The following ADTRP variants were observed in gnomAD, a reference collection of about 807,000 sequenced individuals.
ADTRP encodes the protein androgen dependent TFPI regulating protein.
A neutral mutation model predicts 27.0 loss-of-function variants in ADTRP; 20 were observed. That is an observed-to-expected ratio of 0.74 (90% CI 0.52 to 1.08). The LOEUF (loss-of-function observed/expected upper bound fraction) is 1.08. Ranked by LOEUF, ADTRP falls within the 50% of genes least tolerant of loss-of-function variation. The probability of loss-of-function intolerance (pLI) is 0.00; values close to 1 mark genes in which losing one functional copy is unlikely to be tolerated. For missense variants in ADTRP, 251 were observed against 275.0 expected (o/e 0.91, Z 0.62); for synonymous variants, 101 against 105.2 (o/e 0.96, Z 0.25).
chr6:11,749,659 G>C (rs1581345557), intron 3 of ADTRP, among the ~76,000 whole-genome samples: 1 of 152,202 alleles, frequency 6.6e-6, no homozygotes, highest in Non-Finnish European at 1.5e-5. Flanking sequence ...GTTTCAAGGA[G>C]AGAGAGGTGC....
At chr6:11,774,639 G>A (rs925388320) in intron 1 of ADTRP, among the ~76,000 whole-genome samples, 3 of 152,008 alleles carry the variant, frequency 2.0e-5, no homozygotes, top group East Asian at 1.9e-4. Flanking sequence ...TGTCAGGGGC[G>A]TGGGGAGGGA....
At chr6:11,761,501 A>T (rs967022849) in intron 3 of ADTRP, among the ~76,000 whole-genome samples, 1 of 152,224 alleles carries the variant, frequency 6.6e-6, no homozygotes, top group Non-Finnish European at 1.5e-5. Flanking sequence ...GCTATATTGC[A>T]TATTAGATTA....
intron 5 of ADTRP, among the ~76,000 whole-genome samples, chr6:11,715,911 G>T (rs1008153776): frequency 1.4e-5 from 2 of 141,868 alleles, no homozygotes; most frequent in Admixed American, 1.5e-4. Flanking sequence ...CACCACAAGG[G>T]ATCCTCCCAT....
chr6:11,766,870 T>C (rs1432006403), intron 2 of ADTRP, among the ~76,000 whole-genome samples: 1 of 152,236 alleles, frequency 6.6e-6, no homozygotes, highest in African/African-American at 2.4e-5. Flanking sequence ...GACTGAGGGC[T>C]GGATCTCCCT....
intron 5 of ADTRP, among the ~76,000 whole-genome samples, chr6:11,721,912 TAACTC>T (rs145600914): frequency 0.069 from 10,529 of 152,184 alleles, 944 homozygotes; most frequent in East Asian, 0.5. Context: ...ATTTAAAAAT[TAACTC>T]AATACATTAT....
At chr6:11,722,610 C>T (rs1287497053) in intron 5 of ADTRP, among the ~76,000 whole-genome samples, 1 of 151,942 alleles carries the variant, frequency 6.6e-6, no homozygotes, top group Non-Finnish European at 1.5e-5. Context: ...CTGGTAGTTA[C>T]TTTTCCAACA....
At chr6:11,765,942 A>C (rs147194340) in intron 3 of ADTRP, among the ~76,000 whole-genome samples, 3 of 152,180 alleles carry the variant, frequency 2.0e-5, no homozygotes, top group African/African-American at 4.8e-5. Context: ...AGCTTACTTC[A>C]TTCCATCCAC....
intron 4 of ADTRP, among the ~76,000 whole-genome samples, chr6:11,727,900 G>A (rs1762262702): frequency 6.9e-6 from 1 of 145,436 alleles, no homozygotes; most frequent in African/African-American, 2.5e-5. Flanking sequence ...GGTGGGAAGA[G>A]AGAGGGGAAA....
chr6:11,748,123 A>C (rs143079783), intron 3 of ADTRP, among the ~76,000 whole-genome samples: 13 of 152,312 alleles, frequency 8.5e-5, no homozygotes, highest in African/African-American at 3.1e-4. Flanking sequence ...ATCTCTTTGA[A>C]CGTAAGTCAG....
intron 1 of ADTRP, among the ~76,000 whole-genome samples, chr6:11,772,306 C>T (rs1763809930): frequency 6.6e-6 from 1 of 152,180 alleles, no homozygotes; most frequent in Admixed American, 6.5e-5. Context: ...TGCGACAAAG[C>T]TGAATTGACA....
At chr6:11,754,040 G>A (rs529073334) in intron 3 of ADTRP, among the ~76,000 whole-genome samples, 57 of 152,280 alleles carry the variant, frequency 3.7e-4, no homozygotes, top group African/African-American at 1.2e-3. Flanking sequence ...GTCAGCCCCC[G>A]TTAAAAGTTT....
At chr6:11,753,689 C>CTAT (rs1268520578) in intron 3 of ADTRP, among the ~76,000 whole-genome samples, 15 of 152,132 alleles carry the variant, frequency 9.9e-5, no homozygotes, top group African/African-American at 3.6e-4. Flanking sequence ...TTATTAAATA[C>CTAT]TGTTAGATAG....
chr6:11,771,560 A>T (rs561900997), intron 1 of ADTRP, among the ~76,000 whole-genome samples: 29 of 152,320 alleles, frequency 1.9e-4, no homozygotes, highest in African/African-American at 6.7e-4. Context: ...TCCAAAGACG[A>T]TGCAATGTTT....
At chr6:11,721,128 G>C (rs1398222068) in intron 5 of ADTRP, among the ~76,000 whole-genome samples, 1 of 152,238 alleles carries the variant, frequency 6.6e-6, no homozygotes, top group Non-Finnish European at 1.5e-5. Context: ...GCACTGGGAA[G>C]GGCATGAAGT....
rs1295011194 is a variant in ADTRP, at chr6:11,723,494, T to A, written c.513A>T (p.Leu171=). 1.9e-6 allele frequency: 3 copies of A among 1,613,524 alleles called. No homozygotes were observed. The highest frequency in any genetic ancestry group is 2.5e-6 in the Non-Finnish European group (3 of 1,179,912). Reference sequence around the variant, plus strand: ...AGGTACCCGTCTCAAAGTAGAGCCATAGGATGCTGCAGGAAATAAGAAGTC... The same window carrying A: ...AGGTACCCGTCTCAAAGTAGAGCCAAAGGATGCTGCAGGAAATAAGAAGTC... ...AASIAYISRI[L]WLYFETGTWV... is the part of the protein sequence containing the mutation. The change falls in exon 5 of 6, where the codon CTA becomes CTT. Residue 171 remains leucine (L), a synonymous_variant. Coordinates refer to ENST00000414691, the MANE Select transcript of ADTRP (RefSeq NM_032744.4).
intron 3 of ADTRP, among the ~76,000 whole-genome samples, chr6:11,758,572 G>GGGT (rs1763288479): frequency 1.2e-5 from 1 of 84,796 alleles, no homozygotes; most frequent in Non-Finnish European, 2.5e-5. Context: ...GACTGTTGTG[G>GGGT]GGTGGGGGGG....
intron 2 of ADTRP, among the ~76,000 whole-genome samples, chr6:11,767,987 TCAA>T (rs1763630372): frequency 6.6e-6 from 1 of 152,154 alleles, no homozygotes; most frequent in South Asian, 2.1e-4. Flanking sequence ...GAAAGGTCTT[TCAA>T]ACTTCCCCAT....
chr6:11,717,465 C>T (rs942215141), intron 5 of ADTRP: 84 of 1,292,900 alleles, frequency 6.5e-5, no homozygotes, highest in Non-Finnish European at 7.9e-5. Context: ...ACCATAGATA[C>T]CATATATAAT....
Position 11,735,635 on chromosome 6 carries a change from G to A in ADTRP, c.439C>T (p.His147Tyr). 1.2e-6 allele frequency: 2 copies of A among 1,614,114 alleles called. No individual in the cohort carries two copies. Among genetic ancestry groups the A allele is most frequent in the South Asian group, 1.1e-5 (1 of 91,068 alleles). The change falls in exon 4 of 6, where the codon CAC (histidine) becomes TAC (tyrosine). Residue 147 changes from histidine (H) to tyrosine (Y), a missense_variant. His to Tyr is a moderately conservative substitution (Grantham distance 83, BLOSUM62 2). Transcript: ENST00000414691. ...CCTGTCTTCTTTGATGGATAGGAGT[G>A]AGGCCTGAGGACGACTTCAGCCAAT... ...ITLAEVVLRP[H>Y]SYPSKKTGLT...
Sources: gnomAD v4.1 joint callset for allele counts (sites outside exome capture counted in the v4.1 genomes callset) on GRCh38, gnomAD v4.1.1 for gene constraint, MANE v1.5 for transcripts, NCBI Gene and HGNC (gene_info 2026-07-23, HGNC 2026-07-21) for gene names.